The following MDGA2 variants were observed in gnomAD, a reference collection of about 807,000 sequenced individuals.
MDGA2 encodes the protein MAM domain-containing glycosylphosphatidylinositol anchor protein 2.
A neutral mutation model predicts 117.8 loss-of-function variants in MDGA2; 40 were observed. The ratio of observed to expected loss-of-function variants is 0.34; its 90% confidence interval spans 0.26 to 0.44. MDGA2 has a LOEUF of 0.44. Among genes scored for constraint, MDGA2 ranks in the 20% least tolerant of loss-of-function variants. The pLI is 1.00. For missense variants in MDGA2, 1,123 were observed against 1,250.6 expected (o/e 0.90, Z 1.54); for synonymous variants, 452 against 439.0 (o/e 1.03, Z -0.37).
intron 3 of MDGA2, among the ~76,000 whole-genome samples, chr14:47,205,100 G>A (rs1885635713): frequency 6.6e-6 from 1 of 151,630 alleles, no homozygotes; most frequent in Non-Finnish European, 1.5e-5. Flanking sequence ...CTGTCTGTAC[G>A]TGTATATGTG....
At chr14:47,287,009 TG>T (rs1314944784) in intron 2 of MDGA2, among the ~76,000 whole-genome samples, 19 of 151,792 alleles carry the variant, frequency 1.3e-4, no homozygotes, top group Admixed American at 4.0e-4. Context: ...TTTCCTTGTG[TG>T]ACTTTATTTG....
chr14:47,408,425 G>A lies in MDGA2; in HGVS notation c.281-106875C>T, dbSNP rs187525677. 2.1e-3 allele frequency among the ~76,000 whole-genome samples: 318 copies of A among 152,256 alleles called. 1 individual carries two copies. Among genetic ancestry groups the A allele is most frequent in the African/African-American group, 7.3e-3 (304 of 41,556 alleles). On this transcript the variant is annotated intron_variant, in intron 1 of 16. Coordinates refer to ENST00000399232, the MANE Select transcript of MDGA2 (RefSeq NM_001113498.3). ...TTTTAAAAGTAGACAACTGTCTCTC[G>A]CTGGAAGTGTAAAGGAGGTGAGGCA... is the stretch of plus-strand genomic sequence containing the variant.
intron 1 of MDGA2, among the ~76,000 whole-genome samples, chr14:47,512,310 T>C (rs1369483911): frequency 1.3e-5 from 2 of 152,188 alleles, no homozygotes; most frequent in Non-Finnish European, 2.9e-5. Context: ...CTACCCATTG[T>C]AGCTTTTTCT....
chr14:47,468,217 C>T (rs1594872216), intron 1 of MDGA2, among the ~76,000 whole-genome samples: 2 of 152,182 alleles, frequency 1.3e-5, no homozygotes, highest in South Asian at 4.2e-4. Flanking sequence ...TTCGTGAGCC[C>T]TTTTCCAGTT....
chr14:47,608,617 A>G (rs770097036), intron 1 of MDGA2, among the ~76,000 whole-genome samples: 15 of 152,176 alleles, frequency 9.9e-5, no homozygotes, highest in East Asian at 1.9e-4. Context: ...CAAGGGCCTG[A>G]TCATATAGAA....
intron 1 of MDGA2, among the ~76,000 whole-genome samples, chr14:47,439,944 CTTTTTTTT>C (rs1311005587): frequency 6.6e-6 from 1 of 151,500 alleles, no homozygotes; most frequent in Non-Finnish European, 1.5e-5. Context: ...GCCTTTTTTT[CTTTTTTTT>C]GGTTTGTAAA....
At position 47,061,439 on chromosome 14, in the gene MDGA2, A is replaced by G. The variant is rs372066973; in HGVS notation, c.1335T>C (p.Asn445=). The G allele has an allele frequency of 2.7e-5, 44 of 1,613,620 alleles. No homozygotes were observed. In the South Asian group the frequency reaches 4.4e-4, roughly 16 times the overall value. ...SEELTFSWFK[N]GRPLRSSERM... The stretch of plus-strand genomic sequence containing the variant: ...GCTCAGAACTTCTTAATGGACGACC[A>G]TTTTTAAACCAACTAAATGTTAGCT... Residue 445 remains asparagine, a synonymous_variant, in exon 7 of 17, where the codon AAT becomes AAC. Transcript: ENST00000399232.
At chr14:47,430,460 A>G (rs1045164604) in intron 1 of MDGA2, among the ~76,000 whole-genome samples, 1 of 152,084 alleles carries the variant, frequency 6.6e-6, no homozygotes, top group Non-Finnish European at 1.5e-5. Flanking sequence ...TGCGTTTCTC[A>G]TACTTCATTG....
intron 9 of MDGA2, among the ~76,000 whole-genome samples, chr14:46,932,574 C>A (rs908198335): frequency 7.2e-5 from 11 of 151,884 alleles, no homozygotes; most frequent in Non-Finnish European, 1.5e-4. Flanking sequence ...TATTTTATAA[C>A]CACTAGAAAG....
At chr14:47,411,707 G>A (rs1389366626) in intron 1 of MDGA2, among the ~76,000 whole-genome samples, 1 of 152,168 alleles carries the variant, frequency 6.6e-6, no homozygotes, top group Non-Finnish European at 1.5e-5. Context: ...ATTAACCTAT[G>A]TGTAAAGCAG....
At chr14:47,297,726 G>T (rs570029035) in intron 2 of MDGA2, among the ~76,000 whole-genome samples, 1 of 152,168 alleles carries the variant, frequency 6.6e-6, no homozygotes, top group African/African-American at 2.4e-5. Flanking sequence ...AGCTAAAAAG[G>T]CTAATTAACA....
chr14:47,275,144 G>C (rs1209193845), intron 2 of MDGA2, among the ~76,000 whole-genome samples: 1 of 152,108 alleles, frequency 6.6e-6, no homozygotes, highest in Non-Finnish European at 1.5e-5. Flanking sequence ...CCTCAGCTTA[G>C]GTTTGAATGA....
At chr14:47,195,634 T>C (rs1278152782) in intron 3 of MDGA2, among the ~76,000 whole-genome samples, 1 of 152,118 alleles carries the variant, frequency 6.6e-6, no homozygotes, top group Non-Finnish European at 1.5e-5. Context: ...AAGCAGTTCA[T>C]TGACTTTTGT....
intron 8 of MDGA2, among the ~76,000 whole-genome samples, chr14:46,993,185 C>T (rs1429814873): frequency 6.6e-6 from 1 of 152,034 alleles, no homozygotes; most frequent in East Asian, 1.9e-4. Context: ...GCGAGGTATG[C>T]TTTTAATAAA....
At chr14:47,371,161 C>T (rs1187285514) in intron 1 of MDGA2, among the ~76,000 whole-genome samples, 1 of 151,784 alleles carries the variant, frequency 6.6e-6, no homozygotes, top group African/African-American at 2.4e-5. Flanking sequence ...AGCCAGGATT[C>T]CCTGCTAGGA....
In MDGA2 at chr14:47,674,532, C is replaced by T; in HGVS notation, c.265G>A (p.Gly89Ser). 6.4e-7 allele frequency: 1 copy of T among 1,551,268 alleles called. No homozygotes were observed. The highest frequency in any genetic ancestry group is 8.7e-7 in the Non-Finnish European group (1 of 1,146,804). Residue 89 changes from glycine (G) to serine (S), a missense_variant, in exon 1 of 17, where the codon GGC (glycine) becomes AGC (serine). Transcript: ENST00000399232. ...TTCCACTCACCGTACACTCCTTGGC[C>T]AGAGATCCCCTCCAGGAGGACTGTC... ...LLTVLLEGISGQGVYAPPTVR... is the reference protein window; with the variant it reads ...LLTVLLEGISSQGVYAPPTVR...
intron 8 of MDGA2, among the ~76,000 whole-genome samples, chr14:47,023,198 T>TAAAAAAAAAAAA (rs71985853): frequency 9.7e-6 from 1 of 102,856 alleles, no homozygotes. Context: ...TTCCCACTCG[T>TAAAAAAAAAAAA]AAAAAAAAAA....
chr14:47,635,715 T>C (rs1223644127), intron 1 of MDGA2, among the ~76,000 whole-genome samples: 1 of 152,146 alleles, frequency 6.6e-6, no homozygotes, highest in Non-Finnish European at 1.5e-5. Flanking sequence ...CCAAATTCAA[T>C]GGTCCTTAAA....
intron 1 of MDGA2, among the ~76,000 whole-genome samples, chr14:47,629,275 A>G (rs1406062047): frequency 1.3e-5 from 2 of 152,256 alleles, no homozygotes; most frequent in African/African-American, 2.4e-5. Flanking sequence ...TTACAACAGC[A>G]TTATATTAAT....
Sources: gnomAD v4.1 joint callset for allele counts (sites outside exome capture counted in the v4.1 genomes callset) on GRCh38, gnomAD v4.1.1 for gene constraint, MANE v1.5 for transcripts, NCBI Gene and HGNC (gene_info 2026-07-23, HGNC 2026-07-21) for gene names.